MARCHF3: variants seen among roughly 807,000 people sequenced by gnomAD.
MARCHF3 encodes the protein E3 ubiquitin-protein ligase MARCHF3.
A neutral mutation model predicts 24.2 loss-of-function variants in MARCHF3; 13 were observed. That is an observed-to-expected ratio of 0.54 (90% CI 0.35 to 0.85). The LOEUF (loss-of-function observed/expected upper bound fraction) is 0.85, where lower values mean the gene tolerates loss of function less well. MARCHF3 is among the 40% of genes least tolerant of loss of function. The pLI is 0.01. For missense variants in MARCHF3, 276 were observed against 325.0 expected (o/e 0.85, Z 1.16); for synonymous variants, 144 against 137.3 (o/e 1.05, Z -0.34).
chr5:126,891,239 A>G (rs1232195725), intron 3 of MARCHF3, among the ~76,000 whole-genome samples: 39 of 151,224 alleles, frequency 2.6e-4, no homozygotes, highest in East Asian at 7.8e-4. Context: ...TCTGTAGGTT[A>G]CCTGTTCACT....
chr5:126,920,166 A>ATATC (rs1749056173), intron 1 of MARCHF3, among the ~76,000 whole-genome samples: 3 of 152,160 alleles, frequency 2.0e-5, no homozygotes, highest in African/African-American at 7.2e-5. Flanking sequence ...TTTTGGGTAG[A>ATATC]TATCTTCTTT....
intron 3 of MARCHF3, among the ~76,000 whole-genome samples, chr5:126,897,008 C>G (rs564825206): frequency 6.6e-6 from 1 of 150,600 alleles, no homozygotes; most frequent in South Asian, 2.1e-4. Context: ...TGCCTTGAGA[C>G]AATCCTTGGT....
Position 126,925,521 on chromosome 5 carries a change from T to C in MARCHF3, c.-56-7294A>G, listed in dbSNP as rs182605456. On this transcript the variant is annotated intron_variant, in intron 1 of 4. Transcript: ENST00000308660. ...ATATTTTTCCCTCAAGAAGTACTTA[T>C]GAAATTAATTCAGATTTTGGAGGCT... Among the ~76,000 whole-genome samples the C allele has an allele frequency of 3.7e-4, 57 of 152,340 alleles. 1 individual carries two copies. Among genetic ancestry groups the C allele is most frequent in the African/African-American group, 1.4e-3 (57 of 41,578 alleles).
intron 1 of MARCHF3, among the ~76,000 whole-genome samples, chr5:126,920,721 T>TCA (rs1749080542): frequency 6.6e-6 from 1 of 152,104 alleles, no homozygotes; most frequent in African/African-American, 2.4e-5. Flanking sequence ...AGCCCCAAGT[T>TCA]CACACACTTG....
rs1289005746 is a variant in MARCHF3 at position 126,868,067 on chromosome 5, T to A, written c.*2566A>T. 6.6e-6 allele frequency: 1 copy of A among 152,168 alleles called. No individual in the cohort carries two copies. Among genetic ancestry groups the A allele is most frequent in the Non-Finnish European group, 1.5e-5 (1 of 68,030 alleles). 9.4% of individuals were successfully genotyped at this position (152,168 alleles called of 1,614,324 possible). A position where few individuals can be genotyped will look rare whatever the true frequency, so the allele number is the denominator to read the frequency against. On this transcript the variant is annotated 3_prime_UTR_variant, in exon 5 of 5. Coordinates refer to ENST00000308660, the MANE Select transcript of MARCHF3 (RefSeq NM_178450.5). ...AGGTAAAGGACCCCCACTCCTCATC[T>A]CTTCCTCTTCATTCTTGATCTTTCA...
At chr5:126,912,946 G>A (rs757462016) in intron 3 of MARCHF3, among the ~76,000 whole-genome samples, 19 of 152,204 alleles carry the variant, frequency 1.2e-4, no homozygotes, top group South Asian at 6.2e-4. Flanking sequence ...TTTTGTAGGC[G>A]AGGCCCTAAA....
chr5:126,910,939 G>A lies in MARCHF3; in HGVS notation c.393+3991C>T, dbSNP rs536541103. 1.8e-3 allele frequency among the ~76,000 whole-genome samples: 276 copies of A among 152,288 alleles called. 1 individual carries two copies. Among genetic ancestry groups the A allele is most frequent in the Middle Eastern group, 0.014 (4 of 294 alleles). On this transcript the variant is annotated intron_variant, in intron 3 of 4. Coordinates refer to ENST00000308660, the MANE Select transcript of MARCHF3 (RefSeq NM_178450.5). ...GGAACATCCCTGAGAAATAGAATGCGTCCCTGAGGGTAGGCCTCTAAAATG... is the reference window on the plus strand; with the variant it reads ...GGAACATCCCTGAGAAATAGAATGCATCCCTGAGGGTAGGCCTCTAAAATG...
Position 126,918,068 on chromosome 5 carries a change from T to G in MARCHF3, c.104A>C (p.Asn35Thr). The change falls in exon 2 of 5, where the codon AAT becomes ACT. Residue 35 changes from asparagine to threonine, a missense_variant. Asn to Thr is a moderately conservative substitution (Grantham distance 65, BLOSUM62 0). Coordinates refer to ENST00000308660, the MANE Select transcript of MARCHF3 (RefSeq NM_178450.5). The stretch of plus-strand genomic sequence containing the variant: ...TTGCATGACATACTGCGGCTGCCCA[T>G]TCACTAGGCTGCCACAATCCTCCAC... ...KTVEDCGSLV[N>T]GQPQYVMQVS... 6.2e-7 allele frequency: 1 copy of G among 1,614,152 alleles called. No individual in the cohort carries two copies.
chr5:126,951,384 C>T (rs1012474093), intron 1 of MARCHF3, among the ~76,000 whole-genome samples: 1 of 152,166 alleles, frequency 6.6e-6, no homozygotes, highest in African/African-American at 2.4e-5. Context: ...AAATTTATAT[C>T]TCCATCCCAG....
intron 1 of MARCHF3, among the ~76,000 whole-genome samples, chr5:126,989,942 G>A (rs1183387586): frequency 2.0e-5 from 3 of 151,904 alleles, no homozygotes; most frequent in Admixed American, 1.3e-4. Context: ...TGGCCAATAT[G>A]GCAAAACCTC....
intron 4 of MARCHF3, among the ~76,000 whole-genome samples, chr5:126,871,931 G>A (rs186131528): frequency 1.3e-5 from 2 of 151,924 alleles, no homozygotes; most frequent in East Asian, 1.9e-4. Flanking sequence ...GGCTGGTCTC[G>A]AACTCCTGAT....
intron 1 of MARCHF3, among the ~76,000 whole-genome samples, chr5:126,989,340 A>AC (rs1561461812): frequency 7.9e-4 from 110 of 138,464 alleles, no homozygotes; most frequent in South Asian, 3.0e-3. Context: ...ACTACTACTA[A>AC]TAATAATAAT....
At chr5:126,990,166 C>T (rs1418287017) in intron 1 of MARCHF3, among the ~76,000 whole-genome samples, 1 of 147,670 alleles carries the variant, frequency 6.8e-6, no homozygotes, top group Non-Finnish European at 1.5e-5. Context: ...GCTACAGTAA[C>T]CAAAACAGCA....
chr5:126,899,452 T>C (rs1320690422), intron 3 of MARCHF3, among the ~76,000 whole-genome samples: 2 of 152,100 alleles, frequency 1.3e-5, no homozygotes, highest in Non-Finnish European at 2.9e-5. Flanking sequence ...TTCACAACCA[T>C]TCGTGAAAGG....
chr5:126,977,767 G>A (rs770768773), intron 1 of MARCHF3, among the ~76,000 whole-genome samples: 4 of 152,236 alleles, frequency 2.6e-5, no homozygotes, highest in Admixed American at 6.5e-5. Flanking sequence ...AACACAGCAT[G>A]TTGCATGTAT....
chr5:126,967,200 A>G (rs1750849485), intron 1 of MARCHF3, among the ~76,000 whole-genome samples: 1 of 151,956 alleles, frequency 6.6e-6, no homozygotes, highest in Non-Finnish European at 1.5e-5. Context: ...CAATCCAGCA[A>G]TTGATTGGTT....
intron 1 of MARCHF3, among the ~76,000 whole-genome samples, chr5:126,981,688 C>T (rs1436807289): frequency 6.6e-6 from 1 of 152,232 alleles, no homozygotes; most frequent in Non-Finnish European, 1.5e-5. Flanking sequence ...AAATTTCCCT[C>T]TCACTATACC....
chr5:126,951,150 C>T (rs1040465639), intron 1 of MARCHF3, among the ~76,000 whole-genome samples: 1 of 152,212 alleles, frequency 6.6e-6, no homozygotes, highest in Admixed American at 6.5e-5. Context: ...AGCATATGAT[C>T]TCATTGTTTT....
In MARCHF3 at chr5:126,909,005, G is replaced by A. The variant is rs1754406463; in HGVS notation, c.393+5925C>T. On this transcript the variant is annotated intron_variant, in intron 3 of 4. Transcript: ENST00000308660. ...GATGTACAGATGGGTTTTTGGTGTG[G>A]ATGTCCTTTCTGTTTGTTAGTTTTC... Among the ~76,000 whole-genome samples the A allele has an allele frequency of 2.0e-5, 3 of 152,150 alleles. No homozygotes were observed. The South Asian group carries it at 6.2e-4, about 32-fold the overall frequency.
Sources: allele counts gnomAD v4.1 joint callset (sites outside exome capture counted in the v4.1 genomes callset), GRCh38; gene constraint gnomAD v4.1.1; transcripts MANE v1.5; gene names NCBI Gene and HGNC (gene_info 2026-07-23, HGNC 2026-07-21).